The following CATSPERT variants were observed in gnomAD, a reference collection of about 807,000 sequenced individuals.
CATSPERT encodes the protein catsper channel auxiliary subunit tau, also known as cation channel sperm-associated targeting subunit tau.
At chr2:201,572,178 G>T in the CATSPERT span, among the ~76,000 whole-genome samples, 1 of 152,148 alleles carries the variant, frequency 6.6e-6, no homozygotes, top group Non-Finnish European at 1.5e-5. Context: ...ATTAAGAGAG[G>T]AAAGAAGACA....
At chr2:201,562,882 C>G in the CATSPERT span, among the ~76,000 whole-genome samples, 119,048 of 130,188 alleles carry the variant, frequency 0.91, 54,580 homozygotes, top group South Asian at 0.98. Flanking sequence ...TTTCTTAGTA[C>G]AGAACAAAAT....
the CATSPERT span, among the ~76,000 whole-genome samples, chr2:201,595,413 C>G: frequency 6.6e-6 from 1 of 152,076 alleles, no homozygotes; most frequent in Non-Finnish European, 1.5e-5. Flanking sequence ...TGGTCTCGAT[C>G]TCCTGACCTC....
chr2:201,565,704 A>AT, the CATSPERT span: 6 of 1,169,980 alleles, frequency 5.1e-6, no homozygotes, highest in Non-Finnish European at 6.8e-6. Flanking sequence ...AGCTCTTTTG[A>AT]ATTTTTTTTT....
the CATSPERT span, among the ~76,000 whole-genome samples, chr2:201,612,919 G>A: frequency 6.6e-6 from 1 of 152,162 alleles, no homozygotes; most frequent in South Asian, 2.1e-4. Context: ...TGCCTGGCTT[G>A]GAAGGTCCCA....
At chr2:201,571,419 T>G in the CATSPERT span, among the ~76,000 whole-genome samples, 3 of 152,234 alleles carry the variant, frequency 2.0e-5, no homozygotes, top group Non-Finnish European at 4.4e-5. Context: ...TTTTTATTGT[T>G]GAAATTTCAA....
the CATSPERT span, among the ~76,000 whole-genome samples, chr2:201,525,322 T>G: frequency 1.3e-5 from 2 of 152,168 alleles, no homozygotes; most frequent in South Asian, 4.2e-4. Context: ...AGCCATATAA[T>G]CACATGGAAA....
At chr2:201,604,553 G>C in the CATSPERT span, 1 of 1,170,456 alleles carries the variant, frequency 8.5e-7, no homozygotes, top group Non-Finnish European at 1.2e-6. Flanking sequence ...TGCATATACT[G>C]TTTGATTATC....
At chr2:201,594,772 G>A in the CATSPERT span, among the ~76,000 whole-genome samples, 6 of 151,732 alleles carry the variant, frequency 4.0e-5, no homozygotes, top group African/African-American at 4.8e-5. Flanking sequence ...TGATCGCATC[G>A]GCTCCTGAGG....
chr2:201,493,865 C>T, the CATSPERT span: 47 of 1,536,612 alleles, frequency 3.1e-5, no homozygotes, highest in East Asian at 4.9e-5. Context: ...TCATCAGCTT[C>T]GAAGTGTTTT....
the CATSPERT span, among the ~76,000 whole-genome samples, chr2:201,562,661 A>G: frequency 0.38 from 52,443 of 136,938 alleles, 10,037 homozygotes; most frequent in East Asian, 0.71. Context: ...AGGACCCTGC[A>G]GCCTTCCGCA....
the CATSPERT span, chr2:201,488,015 G>A: frequency 1.2e-6 from 1 of 819,906 alleles, no homozygotes; most frequent in Non-Finnish European, 1.8e-6. Flanking sequence ...AAACAAACAA[G>A]GACTAAAGTT....
the CATSPERT span, among the ~76,000 whole-genome samples, chr2:201,567,194 ATGTATACCCAG>A: frequency 6.6e-6 from 1 of 152,176 alleles, no homozygotes; most frequent in Non-Finnish European, 1.5e-5. Flanking sequence ...ACAGCAACAA[ATGTATACCCAG>A]TGGTCCCTAA....
the CATSPERT span, among the ~76,000 whole-genome samples, chr2:201,489,344 G>A: frequency 6.6e-6 from 1 of 152,100 alleles, no homozygotes; most frequent in African/African-American, 2.4e-5. Flanking sequence ...AAAAAATTCA[G>A]AAAATCCTCT....
the CATSPERT span, among the ~76,000 whole-genome samples, chr2:201,590,207 T>C: frequency 6.8e-6 from 1 of 147,846 alleles, no homozygotes; most frequent in African/African-American, 2.5e-5. Flanking sequence ...CATTGTTCAA[T>C]TCCCACCTAT....
chr2:201,523,493 T>A, the CATSPERT span, among the ~76,000 whole-genome samples: 1 of 151,976 alleles, frequency 6.6e-6, no homozygotes, highest in Non-Finnish European at 1.5e-5. Flanking sequence ...AGAAGCCCCA[T>A]CCAAAGGACA....
At chr2:201,487,926 A>G in the CATSPERT span, 634,335 of 1,528,032 alleles carry the variant, frequency 0.42, 136,518 homozygotes, top group African/African-American at 0.69. Context: ...TAAAAGATCC[A>G]ATTGGTAAAT....
chr2:201,490,045 T>TG, the CATSPERT span, among the ~76,000 whole-genome samples: 3 of 152,116 alleles, frequency 2.0e-5, no homozygotes, highest in Admixed American at 6.5e-5. Context: ...TTAGTAGAGA[T>TG]GGAGTTTCAC....
chr2:201,565,970 T>A, the CATSPERT span: 2 of 1,142,272 alleles, frequency 1.8e-6, no homozygotes, highest in Non-Finnish European at 1.2e-6. Flanking sequence ...CTTTTACACT[T>A]TTAGCTCACC....
the CATSPERT span, among the ~76,000 whole-genome samples, chr2:201,601,446 G>A: frequency 6.6e-6 from 1 of 152,058 alleles, no homozygotes; most frequent in Admixed American, 6.6e-5. Context: ...TAGATGGGAA[G>A]AGAAGAGCAA....
Sources: gnomAD v4.1 joint callset for allele counts (sites outside exome capture counted in the v4.1 genomes callset) on GRCh38, gnomAD v4.1.1 for gene constraint, MANE v1.5 for transcripts, NCBI Gene and HGNC (gene_info 2026-07-23, HGNC 2026-07-21) for gene names.